TSC2: variants seen among roughly 807,000 people sequenced by gnomAD.
TSC2 encodes the protein TSC complex subunit 2, also known as tuberin.
TSC2 carries 29 observed loss-of-function variants against 202.2 expected under a neutral mutation model. The ratio of observed to expected loss-of-function variants is 0.14; its 90% confidence interval spans 0.11 to 0.20. TSC2 has a LOEUF of 0.20. Among genes scored for constraint, TSC2 ranks in the 10% least tolerant of loss-of-function variants. The pLI, the probability that TSC2 is intolerant of heterozygous loss-of-function variation, is 1.00. For synonymous variants in TSC2, 1,349 were observed against 1,044.0 expected, an observed-to-expected ratio of 1.29 and a Z score of -5.63; for missense variants, 2,429 against 2,420.0, an observed-to-expected ratio of 1.00 and a Z score of -0.08.
Position 2,057,115 on chromosome 16 carries a change from A to G in TSC2, c.785A>G (p.Asn262Ser). The G allele has an allele frequency of 6.4e-7, 1 of 1,551,436 alleles. No individual in the cohort carries two copies. Residue 262 changes from asparagine (N) to serine (S), a missense_variant, in exon 9 of 42, where the codon AAC becomes AGC. Asn to Ser is a conservative substitution (Grantham distance 46, BLOSUM62 1). Coordinates refer to ENST00000219476, the MANE Select transcript of TSC2 (RefSeq NM_000548.5). ...LCEPCWKLMR[N>S]LLGTHLGHSA... ...CATTGTGTCTCGCAGCTGATGCGGA[A>G]CCTCCTTGGCACCCACCTGGGCCAC...
rs1009915211 is a variant in TSC2 at position 2,077,525 on chromosome 16, C to G, written c.2838-73C>G. On this transcript the variant is annotated intron_variant, in intron 25 of 41. Transcript: ENST00000219476. The stretch of plus-strand genomic sequence containing the variant: ...GGCCTGGGACCTTTCCTCCTCACCC[C>G]TCCACTGGCTTGTTCTCCCCTTCCC... 5.6e-6 allele frequency: 9 copies of G among 1,606,608 alleles called. No homozygotes were observed. The African/African-American group carries it at 9.4e-5, about 17-fold the overall frequency.
rs374476631 is a variant in TSC2 at position 2,087,937 on chromosome 16, G to A, written c.5064G>A (p.Arg1688=). 8 of 1,605,038 alleles carry A rather than the reference G, an allele frequency of 5.0e-6. No homozygotes were observed. In the African/African-American group the frequency reaches 8.0e-5, roughly 16 times the overall value. ...GCAACCTGGTGTCCCTGCAGTGCAG[G>A]AAAGGTAGGGCCGGGTGGGGCCCTG... ...YECNLVSLQC[R]KDMEGLVDTS... The change falls in exon 39 of 42, where the codon AGG becomes AGA. Residue 1688 remains arginine (R), a synonymous_variant. Coordinates refer to ENST00000219476, the MANE Select transcript of TSC2 (RefSeq NM_000548.5).
Position 2,088,787 on chromosome 16 carries a change from A to G in TSC2, c.*177A>G, listed in dbSNP as rs1376991469. ...GGGTGTCGAGGCTCTAGAAGCGGCC[A>G]TGCCCACAGAAGTGGTACACAGAAG... On this transcript the variant is annotated 3_prime_UTR_variant, in exon 42 of 42. Coordinates refer to ENST00000219476, the MANE Select transcript of TSC2 (RefSeq NM_000548.5). 2 of 857,386 alleles carry G rather than the reference A, an allele frequency of 2.3e-6. No homozygotes were observed. Among genetic ancestry groups the G allele is most frequent in the Non-Finnish European group, 1.8e-6 (1 of 568,134 alleles). 53.1% of individuals were successfully genotyped at this position (857,386 alleles called of 1,614,324 possible).
chr16:2,085,348 G>T (rs751849158), intron 36 of TSC2, 26 bp downstream of exon 36: 10 of 1,611,512 alleles, frequency 6.2e-6, no homozygotes, highest in Middle Eastern at 1.6e-4. Flanking sequence ...CGGCCTAGGT[G>T]CCTGGACAGG....
rs1340062507 is a variant in TSC2, at chr16:2,052,736, C to T, written c.226-606C>T. Reference sequence around the variant, plus strand: ...GGTGAGAGCCAGCCCAAACCCCTGCCGAGTGAGACTGATTCTGGCAGCTTT... The same window carrying T: ...GGTGAGAGCCAGCCCAAACCCCTGCTGAGTGAGACTGATTCTGGCAGCTTT... On this transcript the variant is annotated intron_variant, in intron 3 of 41. Transcript: ENST00000219476. Among the ~76,000 whole-genome samples the T allele has an allele frequency of 2.6e-5, 4 of 152,160 alleles. No individual in the cohort carries two copies. In the East Asian group the frequency reaches 5.8e-4, roughly 22 times the overall value.
At chr16:2,062,090 G>T (rs1596304171) in intron 12 of TSC2, 82 bp downstream of exon 12, 1 of 1,591,824 alleles carries the variant, frequency 6.3e-7, no homozygotes. Context: ...AGCTTTCTGA[G>T]CCTCAGAAGC....
In TSC2 at chr16:2,079,107, C is replaced by A. The variant is rs2151432422; in HGVS notation, c.3042C>A (p.Ser1014Arg). 1 of 1,613,044 alleles carries A rather than the reference C, an allele frequency of 6.2e-7. No homozygotes were observed. Among genetic ancestry groups the A allele is most frequent in the South Asian group, 1.1e-5 (1 of 91,082 alleles). The stretch of plus-strand genomic sequence containing the variant: ...ACTCCGTGGCCCAGGCTGACGATAG[C>A]CTGAAAAACCTCCACCTGGAGCTCA... Reference protein sequence around the residue: ...DENSVAQADDSLKNLHLELTE... With the variant: ...DENSVAQADDRLKNLHLELTE... Residue 1014 changes from serine to arginine, a missense_variant, in exon 27 of 42, where the codon AGC (serine) becomes AGA (arginine). Physicochemically the swap from Ser to Arg is moderately radical, Grantham distance 110 (BLOSUM62 -1). Transcript: ENST00000219476. The surrounding 1 kb of genome is among the most constrained non-coding windows in gnomAD (Gnocchi z 4.6).
intron 40 of TSC2, 36 bp from the exon 41 acceptor site, chr16:2,088,191 C>G (rs756863981): frequency 3.1e-6 from 5 of 1,612,936 alleles, no homozygotes; most frequent in Non-Finnish European, 4.2e-6. Flanking sequence ...CCAGGTGCCA[C>G]CTGATAGTGA....
At chr16:2,051,632 T>C (rs1266211251) in intron 3 of TSC2, among the ~76,000 whole-genome samples, 1 of 152,242 alleles carries the variant, frequency 6.6e-6, no homozygotes, top group Non-Finnish European at 1.5e-5. Context: ...GCCCTTGCCT[T>C]GCCCAGCATT....
At position 2,053,355 on chromosome 16, in the gene TSC2, C is replaced by T. The variant is rs142580483; in HGVS notation, c.239C>T (p.Ala80Val). The T allele has an allele frequency of 2.5e-6, 4 of 1,586,040 alleles. No homozygotes were observed. Among genetic ancestry groups the T allele is most frequent in the Non-Finnish European group, 3.4e-6 (4 of 1,167,228 alleles). The change falls in exon 4 of 42, where the codon GCA becomes GTA. Residue 80 changes from alanine to valine, a missense_variant. Ala to Val is a moderately conservative substitution (Grantham distance 64). Coordinates refer to ENST00000219476, the MANE Select transcript of TSC2 (RefSeq NM_000548.5). ...TKKFEEHAVE[A>V]LWKAVADLLQ... ...TGCTGGTGACAGCACGCAGTGGAAG[C>T]ACTCTGGAAGGCGGTCGCGGATCTG... is the stretch of plus-strand genomic sequence containing the variant.
chr16:2,061,603 C>T (rs991811714), intron 11 of TSC2: 1 of 533,560 alleles, frequency 1.9e-6, no homozygotes. Flanking sequence ...CAGCAGCTGC[C>T]ATCACAGCCA....
At chr16:2,049,361 C>T (rs923817253) in intron 2 of TSC2, among the ~76,000 whole-genome samples, 2 of 151,688 alleles carry the variant, frequency 1.3e-5, no homozygotes, top group African/African-American at 4.8e-5. Flanking sequence ...GCTGGGATTA[C>T]AGGCATGAGC....
chr16:2,081,946 T>A, intron 31 of TSC2, 148 bp downstream of exon 31: 1 of 1,185,642 alleles, frequency 8.4e-7, no homozygotes, highest in Non-Finnish European at 1.2e-6. Context: ...CTCCGGTGTT[T>A]GGGAGGAGGC....
At chr16:2,088,009 A>C in intron 39 of TSC2, 39 bp from the exon 40 acceptor site, 1 of 1,610,878 alleles carries the variant, frequency 6.2e-7, no homozygotes, top group Non-Finnish European at 8.5e-7. Context: ...GTGTGGCGCC[A>C]AGAGCCCTGG....
chr16:2,061,150 TCCGCATGACTTTGGAGGA>T (rs1354237999), intron 11 of TSC2: 1 of 401,480 alleles, frequency 2.5e-6, no homozygotes, highest in Admixed American at 3.6e-5. Flanking sequence ...CAGTGTGGCT[TCCGCATGACTTTGGAGGA>T]CCGCATTAGT....
At chr16:2,081,934 T>G (rs2090193352) in intron 31 of TSC2, 136 bp downstream of exon 31, 1 of 1,245,778 alleles carries the variant, frequency 8.0e-7, no homozygotes, top group Admixed American at 2.0e-5. Flanking sequence ...AGCACCATTG[T>G]TCTCCGGTGT....
In TSC2 at chr16:2,079,356, C is replaced by T. The variant is rs45498892; in HGVS notation, c.3212C>T (p.Thr1071Ile). ...LVGNKLVTVT[T>I]SVGTGTRSLL... ...GGGAACAAGCTTGTCACTGTGACGACAAGCGTGGGAACCGGGACCCGGTCG... is the reference window on the plus strand; with the variant it reads ...GGGAACAAGCTTGTCACTGTGACGATAAGCGTGGGAACCGGGACCCGGTCG... The change falls in exon 28 of 42, where the codon ACA becomes ATA. Residue 1071 changes from threonine to isoleucine, a missense_variant. By Grantham distance (89) the Thr-to-Ile change is moderately conservative. Coordinates refer to ENST00000219476, the MANE Select transcript of TSC2 (RefSeq NM_000548.5). The surrounding 1 kb of genome is among the most constrained non-coding windows in gnomAD (Gnocchi z 4.6). The T allele has an allele frequency of 1.2e-5, 19 of 1,612,954 alleles. No individual in the cohort carries two copies. Among genetic ancestry groups the T allele is most frequent in the Non-Finnish European group, 1.6e-5 (19 of 1,180,016 alleles).
chr16:2,055,382 T>G lies in TSC2; in HGVS notation c.482-20T>G. ...ATGTAGATTCGGCGTCCTCGCAAAC[T>G]GCCGCCGCTTCTCCCCCAGCTGACT... On this transcript the variant is annotated intron_variant, in intron 5 of 41. Transcript: ENST00000219476. The G allele has an allele frequency of 6.2e-7, 1 of 1,606,008 alleles. No individual in the cohort carries two copies. Among genetic ancestry groups the G allele is most frequent in the Non-Finnish European group, 8.5e-7 (1 of 1,172,902 alleles).
chr16:2,075,564 C>T (rs2089208407), intron 22 of TSC2, among the ~76,000 whole-genome samples: 1 of 150,662 alleles, frequency 6.6e-6, no homozygotes, highest in African/African-American at 2.5e-5. Context: ...GTGCGGAAGC[C>T]TTTCCTCACG....
Sources: allele counts gnomAD v4.1 joint callset (sites outside exome capture counted in the v4.1 genomes callset), GRCh38; gene constraint gnomAD v4.1.1; non-coding constraint Gnocchi (gnomAD v3.1); transcripts MANE v1.5; gene names NCBI Gene and HGNC (gene_info 2026-07-23, HGNC 2026-07-21).